The following IQSEC1 variants were observed in gnomAD, a reference collection of about 807,000 sequenced individuals.
IQSEC1 encodes the protein IQ motif and Sec7 domain ArfGEF 1.
In IQSEC1, 31 loss-of-function variants were observed where a neutral mutation model predicts 91.0. That is an observed-to-expected ratio of 0.34 (90% confidence interval 0.26 to 0.46). IQSEC1 has a LOEUF of 0.46. Among genes scored for constraint, IQSEC1 ranks in the 20% least tolerant of loss-of-function variants. The pLI is 1.00. For missense variants in IQSEC1, 1,388 were observed against 1,575.6 expected (o/e 0.88, Z 2.02); for synonymous variants, 699 against 662.6 (o/e 1.05, Z -0.84).
chr3:13,080,070 A>C (rs1201928296), intron 2 of IQSEC1, among the ~76,000 whole-genome samples: 1 of 152,224 alleles, frequency 6.6e-6, no homozygotes, highest in Non-Finnish European at 1.5e-5. Flanking sequence ...GGAGGTGAAA[A>C]GCAGCAGAAA....
At chr3:13,246,467 T>A (rs1167987860) in intron 1 of IQSEC1, among the ~76,000 whole-genome samples, 1 of 152,124 alleles carries the variant, frequency 6.6e-6, no homozygotes, top group Non-Finnish European at 1.5e-5. Flanking sequence ...GTGGAGCTAA[T>A]CCCACTGGAG....
At chr3:13,252,665 C>A (rs982803362) in intron 1 of IQSEC1, among the ~76,000 whole-genome samples, 1 of 152,170 alleles carries the variant, frequency 6.6e-6, no homozygotes, top group Non-Finnish European at 1.5e-5. Flanking sequence ...ACCAGCAAGG[C>A]ACAAGGGTTC....
intron 1 of IQSEC1, among the ~76,000 whole-genome samples, chr3:13,049,154 GGCCTT>G (rs1704600095): frequency 6.6e-6 from 1 of 152,170 alleles, no homozygotes; most frequent in African/African-American, 2.4e-5. Context: ...GAGGAATTTT[GGCCTT>G]CAGGGAGTCC....
chr3:13,170,062 C>T (rs972984338), intron 1 of IQSEC1, among the ~76,000 whole-genome samples: 2 of 152,236 alleles, frequency 1.3e-5, no homozygotes, highest in African/African-American at 4.8e-5. Context: ...CCATCACAAG[C>T]CCAGAGGCCT....
intron 1 of IQSEC1, among the ~76,000 whole-genome samples, chr3:13,172,652 T>C (rs11928876): frequency 0.14 from 20,828 of 152,222 alleles, 2,786 homozygotes; most frequent in African/African-American, 0.35. Flanking sequence ...ACTGCATTCC[T>C]TCCTCAAAGG....
chr3:12,972,212 G>A (rs1312434793), intron 1 of IQSEC1, among the ~76,000 whole-genome samples: 5 of 151,914 alleles, frequency 3.3e-5, no homozygotes, highest in Admixed American at 3.3e-4. Flanking sequence ...TCAGGAGGCT[G>A]AGGTGGGAGG....
chr3:12,947,846 T>G (rs1234277705), intron 1 of IQSEC1, among the ~76,000 whole-genome samples: 1 of 152,252 alleles, frequency 6.6e-6, no homozygotes, highest in African/African-American at 2.4e-5. Context: ...TCTCCAGTTT[T>G]CCAAACATGT....
At chr3:13,017,834 C>A (rs1009146738) in intron 1 of IQSEC1, among the ~76,000 whole-genome samples, 2 of 152,170 alleles carry the variant, frequency 1.3e-5, no homozygotes, top group African/African-American at 4.8e-5. Context: ...GTGCTCCAGG[C>A]AGTGCCCAGA....
intron 1 of IQSEC1, among the ~76,000 whole-genome samples, chr3:13,045,754 G>A (rs1436265059): frequency 2.0e-5 from 3 of 152,230 alleles, no homozygotes; most frequent in Non-Finnish European, 4.4e-5. Context: ...GCATGGGTGG[G>A]TGGTGCAGAG....
At chr3:13,068,266 C>A (rs1305164532) in intron 1 of IQSEC1, among the ~76,000 whole-genome samples, 1 of 152,230 alleles carries the variant, frequency 6.6e-6, no homozygotes, top group African/African-American at 2.4e-5. Context: ...GAGGTAGGTG[C>A]TTGCCTAAGC....
chr3:12,902,611 CTGCATCTCTG>C (rs2125000707), intron 13 of IQSEC1, among the ~76,000 whole-genome samples, 152 bp downstream of exon 13: 1 of 130,274 alleles, frequency 7.7e-6, no homozygotes, highest in South Asian at 2.5e-4. Context: ...GAGTGGGTGT[CTGCATCTCTG>C]TGCAGTAGGG....
chr3:13,057,220 G>A (rs1011485815), intron 1 of IQSEC1, among the ~76,000 whole-genome samples: 11 of 152,186 alleles, frequency 7.2e-5, no homozygotes, highest in East Asian at 1.9e-4. Flanking sequence ...ACAGCTCCCC[G>A]TGTGGACTGA....
intron 1 of IQSEC1, among the ~76,000 whole-genome samples, chr3:12,943,746 C>T (rs552486249): frequency 6.6e-6 from 1 of 152,362 alleles, no homozygotes; most frequent in South Asian, 2.1e-4. Flanking sequence ...GTGACGTCTC[C>T]GGCTCCCGTG....
At chr3:13,006,206 T>G (rs1247993575) in intron 1 of IQSEC1, among the ~76,000 whole-genome samples, 1 of 152,118 alleles carries the variant, frequency 6.6e-6, no homozygotes, top group African/African-American at 2.4e-5. Flanking sequence ...CTACTTCCCC[T>G]CCCCTTGGGC....
chr3:13,035,282 C>T (rs1000463439), intron 1 of IQSEC1, among the ~76,000 whole-genome samples: 2 of 152,140 alleles, frequency 1.3e-5, no homozygotes, highest in Non-Finnish European at 2.9e-5. Context: ...TGGCCTGTGG[C>T]GATTTCTGTT....
chr3:13,072,698 G>A (rs1051298653), intron 1 of IQSEC1, among the ~76,000 whole-genome samples: 1 of 152,274 alleles, frequency 6.6e-6, no homozygotes, highest in African/African-American at 2.4e-5. Flanking sequence ...GTAGGAGCCG[G>A]TCTGGGCACC....
intron 1 of IQSEC1, among the ~76,000 whole-genome samples, chr3:13,029,760 A>G (rs906050934): frequency 3.9e-5 from 6 of 152,316 alleles, no homozygotes; most frequent in African/African-American, 1.4e-4. Context: ...ATCCCCTTCA[A>G]AGAGGACTGG....
intron 1 of IQSEC1, among the ~76,000 whole-genome samples, chr3:13,234,022 C>A (rs574660647): frequency 1.3e-5 from 2 of 152,238 alleles, no homozygotes; most frequent in South Asian, 2.1e-4. Context: ...GAAACTGACG[C>A]GCTCTGCATG....
chr3:13,178,327 A>C (rs966267095), intron 1 of IQSEC1, among the ~76,000 whole-genome samples: 16 of 152,192 alleles, frequency 1.1e-4, no homozygotes, highest in African/African-American at 3.9e-4. Flanking sequence ...TGAGCAAATA[A>C]AGAGGCAATT....
Sources: gnomAD v4.1 joint callset for allele counts (sites outside exome capture counted in the v4.1 genomes callset) on GRCh38, gnomAD v4.1.1 for gene constraint, MANE v1.5 for transcripts, NCBI Gene and HGNC (gene_info 2026-07-23, HGNC 2026-07-21) for gene names.